The following MIB1 variants were observed in gnomAD, a reference collection of about 807,000 sequenced individuals.
The protein encoded by MIB1 is MIB E3 ubiquitin protein ligase 1.
A neutral mutation model predicts 124.5 loss-of-function variants in MIB1; 278 were observed. That is an observed-to-expected ratio of 2.23 (90% confidence interval 2.02 to 2.47). The LOEUF (loss-of-function observed/expected upper bound fraction) is 2.47, where lower values mean the gene tolerates loss of function less well. Ranked by LOEUF, MIB1 falls within the 30% of genes most tolerant of loss-of-function variation. The pLI, the probability that MIB1 is intolerant of heterozygous loss-of-function variation, is 0.00. For missense variants in MIB1, 957 were observed against 1,254.4 expected (o/e 0.76, Z 3.58); for synonymous variants, 446 against 429.4 (o/e 1.04, Z -0.48).
rs186309632 is a variant in MIB1 at position 21,821,699 on chromosome 18, C to T, written c.1829+2053C>T. Among the ~76,000 whole-genome samples, 921 of 151,384 alleles carry T rather than the reference C, an allele frequency of 6.1e-3. 13 individuals are homozygous for T. The highest frequency in any genetic ancestry group is 5.6e-3 in the Non-Finnish European group (380 of 67,776). On this transcript the variant is annotated intron_variant, in intron 12 of 20. Coordinates refer to ENST00000261537, the MANE Select transcript of MIB1 (RefSeq NM_020774.4). The stretch of plus-strand genomic sequence containing the variant: ...CTGCAAGCTCTGCCTCCTGGGTTCA[C>T]GCCATTCTCCTGCCTCAGCCTCCCG...
At chr18:21,790,325 A>G (rs1364894601) in intron 6 of MIB1, among the ~76,000 whole-genome samples, 5 of 152,236 alleles carry the variant, frequency 3.3e-5, no homozygotes, top group Non-Finnish European at 7.3e-5. Flanking sequence ...TACTGTACAT[A>G]TTGGTGACAA....
chr18:21,745,709 CAA>C (rs1413040564), intron 1 of MIB1, among the ~76,000 whole-genome samples: 5 of 142,988 alleles, frequency 3.5e-5, no homozygotes, highest in South Asian at 4.6e-4. Flanking sequence ...CACACACACA[CAA>C]AATTTTATTT....
At chr18:21,766,492 G>A (rs2041160708) in intron 2 of MIB1, among the ~76,000 whole-genome samples, 1 of 152,168 alleles carries the variant, frequency 6.6e-6, no homozygotes, top group South Asian at 2.1e-4. Context: ...GGAGAGAGGA[G>A]TATTCATTGT....
At chr18:21,807,583 T>C (rs1318312108) in intron 10 of MIB1, among the ~76,000 whole-genome samples, 1 of 152,194 alleles carries the variant, frequency 6.6e-6, no homozygotes, top group Admixed American at 6.5e-5. Context: ...CAAGGGACAT[T>C]TGGAAATGTC....
At chr18:21,742,014 C>A (rs946834783) in intron 1 of MIB1, among the ~76,000 whole-genome samples, 2 of 152,168 alleles carry the variant, frequency 1.3e-5, no homozygotes, top group Non-Finnish European at 2.9e-5. Context: ...CCCTCTACCC[C>A]CAAGGGAAAT....
chr18:21,728,548 A>C (rs1175403885), intron 1 of MIB1, among the ~76,000 whole-genome samples: 2 of 152,108 alleles, frequency 1.3e-5, no homozygotes, highest in Non-Finnish European at 2.9e-5. Context: ...TTACTGGTCC[A>C]CCCGTTCTCC....
In MIB1 at chr18:21,741,781, C is replaced by A. The variant is rs765597017; in HGVS notation, c.198C>A (p.Tyr66Ter). Residue 66 changes from tyrosine (Y) to a stop codon, truncating the protein, a stop_gained, in exon 1 of 21, where the codon TAC becomes TAA. Transcript: ENST00000261537. LOFTEE classifies it high-confidence loss of function. This position sits in a 1 kb window ranked among gnomAD's most constrained non-coding sequence, Gnocchi z 5.4. ...TAANYRCSGA[Y>*]DLRILDSAPT... Reference sequence around the variant, plus strand: ...CCAACTACCGCTGCTCCGGGGCTTACGACCTCCGCATCCTGGACAGCGCGC... The same window carrying A: ...CCAACTACCGCTGCTCCGGGGCTTAAGACCTCCGCATCCTGGACAGCGCGC... The A allele has an allele frequency of 6.2e-7, 1 of 1,607,708 alleles. No individual in the cohort carries two copies. The highest frequency in any genetic ancestry group is 8.5e-7 in the Non-Finnish European group (1 of 1,177,930).
chr18:21,785,736 C>A lies in MIB1; in HGVS notation c.909-5638C>A, dbSNP rs77428116. On this transcript the variant is annotated intron_variant, in intron 6 of 20. Coordinates refer to ENST00000261537, the MANE Select transcript of MIB1 (RefSeq NM_020774.4). The stretch of plus-strand genomic sequence containing the variant: ...TGTATCTTCACATGTTTTCTTTCTG[C>A]ATATTACTATCCTTTTCTTTTAGAT... Among the ~76,000 whole-genome samples, 415 of 152,292 alleles carry A rather than the reference C, an allele frequency of 2.7e-3. 7 individuals carry two copies. The highest frequency in any genetic ancestry group is 0.023 in the Admixed American group (352 of 15,296).
At chr18:21,713,719 G>A (rs1160324163) in intron 1 of MIB1, among the ~76,000 whole-genome samples, 1 of 147,490 alleles carries the variant, frequency 6.8e-6, no homozygotes, top group Non-Finnish European at 1.5e-5. Context: ...AATGCTAGGA[G>A]TACAGGCATG....
At chr18:21,861,419 A>G (rs886315072) in intron 20 of MIB1, among the ~76,000 whole-genome samples, 1 of 152,048 alleles carries the variant, frequency 6.6e-6, no homozygotes, top group Non-Finnish European at 1.5e-5. Context: ...TATTCTAATT[A>G]TGAATTAAAA....
At chr18:21,728,219 G>T (rs970393611) in intron 1 of MIB1, among the ~76,000 whole-genome samples, 1 of 152,100 alleles carries the variant, frequency 6.6e-6, no homozygotes, top group African/African-American at 2.4e-5. Flanking sequence ...TAGGCTGAGC[G>T]CAGTGGCTCA....
intron 20 of MIB1, among the ~76,000 whole-genome samples, chr18:21,861,599 C>T (rs994276930): frequency 6.7e-6 from 1 of 149,102 alleles, no homozygotes; most frequent in Admixed American, 6.7e-5. Flanking sequence ...TATCAAAACT[C>T]ATCTTATGAG....
At chr18:21,804,912 ATTGTTGGACAGCTAC>A (rs1407061485) in intron 10 of MIB1, among the ~76,000 whole-genome samples, 5 of 152,162 alleles carry the variant, frequency 3.3e-5, no homozygotes, top group Admixed American at 3.3e-4. Flanking sequence ...TGTATTTTGA[ATTGTTGGACAGCTAC>A]TAAAGAGCCT....
intron 16 of MIB1, among the ~76,000 whole-genome samples, chr18:21,847,845 T>C (rs542163501): frequency 1.6e-4 from 24 of 152,342 alleles, no homozygotes; most frequent in African/African-American, 5.5e-4. Context: ...TGTCAGTGAT[T>C]TTAATTATTA....
rs373079673 is a variant in MIB1, at chr18:21,787,158, G to A, written c.909-4216G>A. On this transcript the variant is annotated intron_variant, in intron 6 of 20. Coordinates refer to ENST00000261537, the MANE Select transcript of MIB1 (RefSeq NM_020774.4). ...TGCCTCCTTTTCAGAGCTAAATGGT[G>A]CCTTAAGCCCAAGTTTGCCTTGGGT... 3.9e-5 allele frequency among the ~76,000 whole-genome samples: 6 copies of A among 152,194 alleles called. No homozygotes were observed. The South Asian group carries it at 1.2e-3, about 32-fold the overall frequency.
intron 6 of MIB1, among the ~76,000 whole-genome samples, chr18:21,787,488 G>C (rs2041449697): frequency 1.3e-5 from 2 of 152,122 alleles, no homozygotes; most frequent in South Asian, 4.1e-4. Flanking sequence ...CCTGTGGATT[G>C]AGGCAGGAAT....
At position 21,799,752 on chromosome 18, in the gene MIB1, A is replaced by C. The variant is rs555925569; in HGVS notation, c.1238-89A>C. On this transcript the variant is annotated intron_variant, in intron 8 of 20. Transcript: ENST00000261537. ...ATGATGGAAAGAATAAAATAGGAAA[A>C]GATTATAGAAATATTGGGTAATACT... 14 of 1,235,018 alleles carry C rather than the reference A, an allele frequency of 1.1e-5. No individual in the cohort carries two copies. The African/African-American group carries it at 1.5e-4, about 13-fold the overall frequency. The allele number at this position is 1,235,018 out of a possible 1,614,324, so 76.5% of individuals were successfully genotyped here.
chr18:21,773,701 CCT>C lies in MIB1; in HGVS notation c.610_611del (p.Tyr205GlnfsTer5). The C allele has an allele frequency of 6.2e-7, 1 of 1,605,100 alleles. No individual in the cohort carries two copies. The highest frequency in any genetic ancestry group is 8.5e-7 in the Non-Finnish European group (1 of 1,176,480). On this transcript the variant is annotated frameshift_variant, in exon 4 of 21. Coordinates refer to ENST00000261537, the MANE Select transcript of MIB1 (RefSeq NM_020774.4). LOFTEE classifies it high-confidence loss of function. ...TCCTCTGGGATAATGGTGCTAAGAA[CCT>C]TTACAGAGTTGGCTTTGAGGGCATG... ...YVLWDNGAKN[L>X]YRVGFEGMSD... is the part of the protein sequence containing the mutation.
At chr18:21,739,323 A>C (rs1428354029), upstream of MIB1, among the ~76,000 whole-genome samples, 2 of 152,180 alleles carry the variant, frequency 1.3e-5, no homozygotes, top group Non-Finnish European at 2.9e-5. Flanking sequence ...GAAGTCCAGG[A>C]CCAGACAGAT....
Sources: gnomAD v4.1 joint callset for allele counts (sites outside exome capture counted in the v4.1 genomes callset) on GRCh38, gnomAD v4.1.1 for gene constraint, Gnocchi (gnomAD v3.1) non-coding constraint, MANE v1.5 for transcripts, NCBI Gene and HGNC (gene_info 2026-07-23, HGNC 2026-07-21) for gene names.